The following NEBL variants were observed in gnomAD, a reference collection of about 807,000 sequenced individuals.
NEBL encodes LIM and SH3 protein 2.
Under a neutral mutation model 140.2 loss-of-function variants are expected in NEBL, and 122 were observed. The ratio of observed to expected loss-of-function variants is 0.87; its 90% CI spans 0.75 to 1.01. NEBL has a LOEUF of 1.01. Ranked by LOEUF, NEBL falls within the 50% of genes least tolerant of loss-of-function variation. The pLI is 0.00. For synonymous variants in NEBL, 436 were observed against 398.9 expected (o/e 1.09, Z -1.11); for missense variants, 1,365 against 1,231.3 (o/e 1.11, Z -1.62).
At chr10:20,821,259 T>C (rs1839287432) in intron 19 of NEBL, among the ~76,000 whole-genome samples, 1 of 152,238 alleles carries the variant, frequency 6.6e-6, no homozygotes, top group South Asian at 2.1e-4. Context: ...ACATGCTGTG[T>C]GCTTCACAAG....
At chr10:20,901,214 C>T (rs965611477), upstream of NEBL, among the ~76,000 whole-genome samples, 4 of 152,158 alleles carry the variant, frequency 2.6e-5, no homozygotes, top group Admixed American at 2.6e-4. Flanking sequence ...AAGATAAGAG[C>T]TCACTTGCTT....
chr10:21,140,866 G>C (rs1441796434), intron 2 of NEBL, among the ~76,000 whole-genome samples: 1 of 151,940 alleles, frequency 6.6e-6, no homozygotes, highest in African/African-American at 2.4e-5. Context: ...CTAGATGGTG[G>C]GTTGATAGGT....
At chr10:21,290,473 T>G (rs112800616) in intron 1 of NEBL, among the ~76,000 whole-genome samples, 39 of 152,262 alleles carry the variant, frequency 2.6e-4, no homozygotes, top group Non-Finnish European at 4.9e-4. Flanking sequence ...TGAGGAAAAC[T>G]TCTTCCAAAA....
intron 3 of NEBL, among the ~76,000 whole-genome samples, chr10:21,223,854 C>G (rs1842107398): frequency 2.0e-5 from 3 of 152,168 alleles, no homozygotes. Context: ...AATGTCTATT[C>G]CGATCTTTCA....
chr10:21,020,303 C>A, intron 2 of NEBL: 1 of 1,015,490 alleles, frequency 9.8e-7, no homozygotes, highest in Non-Finnish European at 1.5e-6. Context: ...CCAACCCCAT[C>A]ACAGTGGAAG....
chr10:21,060,011 T>C (rs1835202751), intron 2 of NEBL, among the ~76,000 whole-genome samples: 1 of 152,242 alleles, frequency 6.6e-6, no homozygotes, highest in African/African-American at 2.4e-5. Context: ...TCATACAGCC[T>C]TTGGGTTCTG....
Position 21,173,647 on chromosome 10 carries a change from G to GGCACAC in NEBL, c.69+112_69+117dup. 1 of 1,538,832 alleles carries GGCACAC rather than the reference G, an allele frequency of 6.5e-7. No individual in the cohort carries two copies. Among genetic ancestry groups the GGCACAC allele is most frequent in the Non-Finnish European group, 8.8e-7 (1 of 1,129,980 alleles). On this transcript the variant is annotated intron_variant, in intron 1 of 6. Transcript: ENST00000417816. This position sits in a 1 kb window ranked among gnomAD's most constrained non-coding sequence, Gnocchi z 5.7. ...TTCGCGCGCCCTCCCCCCGTGCCAAGGCACACGCACACGCACCGACCCACT... is the reference window on the plus strand; with the variant it reads ...TTCGCGCGCCCTCCCCCCGTGCCAAGGCACACGCACACGCACACGCACCGACCCACT...
At chr10:20,873,843 C>T (rs1298608014) in intron 5 of NEBL, among the ~76,000 whole-genome samples, 2 of 152,096 alleles carry the variant, frequency 1.3e-5, no homozygotes, top group African/African-American at 4.8e-5. Flanking sequence ...GATATCATAA[C>T]AAAATGTCAG....
At chr10:21,210,328 A>T (rs1298481479) in intron 3 of NEBL, among the ~76,000 whole-genome samples, 3 of 152,178 alleles carry the variant, frequency 2.0e-5, no homozygotes, top group Non-Finnish European at 2.9e-5. Flanking sequence ...TGAGAGACGG[A>T]AGTTGCAGTA....
chr10:20,848,628 G>A (rs1235465995), intron 11 of NEBL, among the ~76,000 whole-genome samples: 1 of 149,952 alleles, frequency 6.7e-6, no homozygotes, highest in African/African-American at 2.5e-5. Flanking sequence ...TATGAACTGT[G>A]CATGCAAGGG....
intron 3 of NEBL, among the ~76,000 whole-genome samples, chr10:21,224,410 A>T (rs1842115194): frequency 6.6e-6 from 1 of 152,188 alleles, no homozygotes; most frequent in Non-Finnish European, 1.5e-5. Flanking sequence ...TGTTTTGATT[A>T]CTATAGCACC....
At chr10:20,952,853 C>T (rs1300266682) in intron 4 of NEBL, among the ~76,000 whole-genome samples, 2 of 127,572 alleles carry the variant, frequency 1.6e-5, no homozygotes, top group Non-Finnish European at 3.1e-5. Context: ...TGCAGTAAGC[C>T]GAGATTGCAC....
intron 3 of NEBL, among the ~76,000 whole-genome samples, chr10:20,975,947 C>G (rs1314012555): frequency 2.0e-5 from 3 of 152,094 alleles, no homozygotes; most frequent in African/African-American, 7.2e-5. Flanking sequence ...CCCTACTGAC[C>G]CCATCCAGTG....
intron 1 of NEBL, among the ~76,000 whole-genome samples, chr10:21,284,455 A>G (rs1370703252): frequency 6.6e-6 from 1 of 150,762 alleles, no homozygotes; most frequent in Non-Finnish European, 1.5e-5. Flanking sequence ...CAGCAAGCAC[A>G]TCTTATTTCT....
intron 3 of NEBL, among the ~76,000 whole-genome samples, chr10:20,968,512 AAAAT>A (rs1836430834): frequency 6.6e-6 from 1 of 152,158 alleles, no homozygotes; most frequent in Non-Finnish European, 1.5e-5. Flanking sequence ...CCCCATCTCT[AAAAT>A]AATTAAATAC....
At chr10:21,088,523 A>T (rs144222666) in intron 2 of NEBL, among the ~76,000 whole-genome samples, 2 of 152,092 alleles carry the variant, frequency 1.3e-5, no homozygotes. Context: ...GAAGTGACAC[A>T]CATCACTCTG....
intron 5 of NEBL, among the ~76,000 whole-genome samples, chr10:20,870,341 A>C (rs1341281082): frequency 6.6e-6 from 1 of 151,660 alleles, no homozygotes; most frequent in Non-Finnish European, 1.5e-5. Context: ...AAAAAAAAAA[A>C]AAAACTTGAA....
chr10:20,889,772 A>T, intron 3 of NEBL, 73 bp downstream of exon 3: 1 of 910,404 alleles, frequency 1.1e-6, no homozygotes, highest in East Asian at 2.4e-5. Flanking sequence ...TCATCTCTTT[A>T]ATGCACAGAC....
chr10:20,845,477 T>C (rs1399943265), intron 11 of NEBL, 109 bp from the exon 12 acceptor site: 1 of 709,700 alleles, frequency 1.4e-6, no homozygotes, highest in African/African-American at 1.8e-5. Context: ...TAGGTAGTTC[T>C]ACCACCTGAG....
Sources: gnomAD v4.1 joint callset for allele counts (sites outside exome capture counted in the v4.1 genomes callset) on GRCh38, gnomAD v4.1.1 for gene constraint, Gnocchi (gnomAD v3.1) non-coding constraint, MANE v1.5 for transcripts, NCBI Gene and HGNC (gene_info 2026-07-23, HGNC 2026-07-21) for gene names.